Variants in HTR7 observed in about 807,000 individuals in gnomAD.
The protein encoded by HTR7 is 5-hydroxytryptamine receptor 7.
In HTR7, 16 loss-of-function variants were observed where a neutral mutation model predicts 34.0. That is an observed-to-expected ratio of 0.47 (90% confidence interval 0.32 to 0.71). The LOEUF (loss-of-function observed/expected upper bound fraction) is 0.71, where lower values mean the gene tolerates loss of function less well. HTR7 is among the 30% of genes least tolerant of loss of function. HTR7 has a pLI of 0.04. For missense variants in HTR7, 504 were observed against 625.5 expected (o/e 0.81, Z 2.07); for synonymous variants, 265 against 260.2 (o/e 1.02, Z -0.18).
chr10:90,791,126 A>G (rs1225966805), intron 1 of HTR7, among the ~76,000 whole-genome samples: 1 of 152,046 alleles, frequency 6.6e-6, no homozygotes, highest in East Asian at 1.9e-4. Flanking sequence ...GCCCTTCTCT[A>G]TTGTGAGAAA....
chr10:90,810,483 T>C (rs565179999), intron 1 of HTR7, among the ~76,000 whole-genome samples: 1 of 149,754 alleles, frequency 6.7e-6, no homozygotes, highest in East Asian at 2.0e-4. Flanking sequence ...CATGGCCTTT[T>C]AAAGCCTATA....
intron 1 of HTR7, among the ~76,000 whole-genome samples, chr10:90,765,751 A>G (rs1240398494): frequency 1.3e-5 from 2 of 151,956 alleles, no homozygotes; most frequent in East Asian, 3.8e-4. Flanking sequence ...AGAATTTTCA[A>G]TTACTCTTTA....
At chr10:90,750,553 A>T (rs189662750) in intron 1 of HTR7, among the ~76,000 whole-genome samples, 33 of 152,330 alleles carry the variant, frequency 2.2e-4, no homozygotes, top group Admixed American at 9.1e-4. Flanking sequence ...CTTGAGAAGC[A>T]AAGACAGAAA....
intron 1 of HTR7, among the ~76,000 whole-genome samples, chr10:90,776,372 T>G (rs1015536511): frequency 1.3e-5 from 2 of 152,262 alleles, no homozygotes; most frequent in South Asian, 4.1e-4. Context: ...AATGTTTTAA[T>G]TCAGATACAC....
At chr10:90,742,803 C>CA (rs1372160234) in intron 3 of HTR7, among the ~76,000 whole-genome samples, 1 of 152,172 alleles carries the variant, frequency 6.6e-6, no homozygotes, top group Admixed American at 6.5e-5. Flanking sequence ...ACAGCTATAG[C>CA]AAAAAATGAC....
chr10:90,812,596 C>T (rs1845830689), intron 1 of HTR7, among the ~76,000 whole-genome samples: 1 of 152,132 alleles, frequency 6.6e-6, no homozygotes, highest in Admixed American at 6.5e-5. Context: ...AATGTTTCTT[C>T]TAACAACCCC....
At chr10:90,752,967 A>C (rs764599933) in intron 1 of HTR7, among the ~76,000 whole-genome samples, 6 of 152,214 alleles carry the variant, frequency 3.9e-5, no homozygotes, top group Middle Eastern at 3.2e-3. Context: ...AAAGTACAAA[A>C]TGAAACATCA....
At chr10:90,750,628 C>A (rs1844718972) in intron 1 of HTR7, among the ~76,000 whole-genome samples, 1 of 152,034 alleles carries the variant, frequency 6.6e-6, no homozygotes, top group Non-Finnish European at 1.5e-5. Context: ...ATTCTTGAAA[C>A]ATAAAAAGGA....
chr10:90,795,586 G>A (rs1311862999), intron 1 of HTR7, among the ~76,000 whole-genome samples: 1 of 152,174 alleles, frequency 6.6e-6, no homozygotes, highest in Non-Finnish European at 1.5e-5. Flanking sequence ...AAAGAAAAAT[G>A]CTCTGAATTA....
chr10:90,804,816 A>ATT (rs914908016), intron 1 of HTR7, among the ~76,000 whole-genome samples: 1 of 151,512 alleles, frequency 6.6e-6, no homozygotes, highest in Non-Finnish European at 1.5e-5. Context: ...TTATTTATTT[A>ATT]TTTTTTCTGA....
At chr10:90,794,427 C>T (rs145492035) in intron 1 of HTR7, among the ~76,000 whole-genome samples, 2 of 152,116 alleles carry the variant, frequency 1.3e-5, no homozygotes, top group South Asian at 2.1e-4. Context: ...AACATACAAA[C>T]CAGCAACATA....
chr10:90,840,982 C>A (rs931821909), intron 1 of HTR7, among the ~76,000 whole-genome samples: 2 of 152,214 alleles, frequency 1.3e-5, no homozygotes, highest in Non-Finnish European at 2.9e-5. Flanking sequence ...GTCCCTGACA[C>A]TGGTCAAAGC....
chr10:90,790,187 A>G (rs1193503787), intron 1 of HTR7, among the ~76,000 whole-genome samples: 1 of 152,192 alleles, frequency 6.6e-6, no homozygotes, highest in African/African-American at 2.4e-5. Flanking sequence ...ATTGCTAAAC[A>G]TATTAATCAT....
intron 1 of HTR7, among the ~76,000 whole-genome samples, chr10:90,794,935 G>C (rs1249927344): frequency 6.6e-6 from 1 of 152,190 alleles, no homozygotes; most frequent in Admixed American, 6.5e-5. Context: ...GAAATCACTA[G>C]GAACTTTTCA....
At chr10:90,770,103 T>C (rs1845084124) in intron 1 of HTR7, among the ~76,000 whole-genome samples, 1 of 152,184 alleles carries the variant, frequency 6.6e-6, no homozygotes, top group South Asian at 2.1e-4. Flanking sequence ...CCTCCAGGAC[T>C]CTGAAGCCCT....
intron 1 of HTR7, among the ~76,000 whole-genome samples, chr10:90,808,552 T>C (rs1306730015): frequency 6.6e-6 from 1 of 151,730 alleles, no homozygotes; most frequent in East Asian, 1.9e-4. Flanking sequence ...CAACCTGTTA[T>C]ATCTCTGCGC....
At chr10:90,752,209 T>G (rs1844750110) in intron 1 of HTR7, among the ~76,000 whole-genome samples, 3 of 152,056 alleles carry the variant, frequency 2.0e-5, no homozygotes, top group South Asian at 4.1e-4. Flanking sequence ...AAAAAATGAG[T>G]GCTTACTAAC....
In HTR7 at chr10:90,749,467, G is replaced by C; in HGVS notation, c.667C>G (p.Gln223Glu). ...ITLPPLFGWA[Q>E]NVNDDKVCLI... ...CACACCTTATCATCATTTACATTCT[G>C]AGCCCATCCAAAGAGTGGAGGTAAG... is the stretch of plus-strand genomic sequence containing the variant. The change falls in exon 2 of 4, where the codon CAG becomes GAG. Residue 223 changes from glutamine to glutamate, a missense_variant. Around this residue, in one of 4 missense-constraint regions of HTR7, gnomAD observed 154 missense variants for 248.8 expected, o/e 0.62. Transcript: ENST00000336152. The surrounding 1 kb of genome is among the most constrained non-coding windows in gnomAD (Gnocchi z 4.2). 1 of 1,614,142 alleles carries C rather than the reference G, an allele frequency of 6.2e-7. No individual in the cohort carries two copies.
chr10:90,838,811 A>C (rs960158052), intron 1 of HTR7, among the ~76,000 whole-genome samples: 2 of 151,898 alleles, frequency 1.3e-5, no homozygotes, highest in East Asian at 3.9e-4. Context: ...GTTACATGTC[A>C]CCTCCTCAGA....
Sources: allele counts gnomAD v4.1 joint callset (sites outside exome capture counted in the v4.1 genomes callset), GRCh38; gene constraint gnomAD v4.1.1; regional missense constraint gnomAD v4.1.1; non-coding constraint Gnocchi (gnomAD v3.1); transcripts MANE v1.5; gene names NCBI Gene and HGNC (gene_info 2026-07-23, HGNC 2026-07-21).